Variants in NIPAL3 observed in about 807,000 individuals in gnomAD.
NIPAL3 encodes the protein NIPA like domain containing 3, also known as NIPA-like protein 3.
NIPAL3 carries 41 observed loss-of-function variants against 47.2 expected under a neutral mutation model. The observed-to-expected ratio is 0.87, with a 90% CI of 0.68 to 1.13. NIPAL3 has a LOEUF of 1.13. NIPAL3 is among the 50% of genes most tolerant of loss of function. The pLI, the probability that NIPAL3 is intolerant of heterozygous loss-of-function variation, is 0.00. For synonymous variants in NIPAL3, 194 were observed against 209.6 expected (o/e 0.93, Z 0.64); for missense variants, 449 against 530.1 (o/e 0.85, Z 1.50).
chr1:24,444,337 G>C (rs1645546976), intron 4 of NIPAL3, among the ~76,000 whole-genome samples: 1 of 152,086 alleles, frequency 6.6e-6, no homozygotes, highest in Non-Finnish European at 1.5e-5. Flanking sequence ...AGAAGAAAAA[G>C]AAGAGGAGAT....
At chr1:24,452,143 A>C (rs753861206) in intron 6 of NIPAL3, among the ~76,000 whole-genome samples, 1 of 152,212 alleles carries the variant, frequency 6.6e-6, no homozygotes, top group African/African-American at 2.4e-5. Flanking sequence ...CTTTAGTTGC[A>C]CTGGGCGCTA....
intron 2 of NIPAL3, among the ~76,000 whole-genome samples, chr1:24,424,534 C>A (rs915804532): frequency 1.3e-5 from 2 of 152,168 alleles, no homozygotes; most frequent in Non-Finnish European, 2.9e-5. Context: ...TGAGGGAAAG[C>A]CATCTCCTTT....
intron 5 of NIPAL3, among the ~76,000 whole-genome samples, chr1:24,446,901 C>T (rs1645696171): frequency 6.6e-6 from 1 of 152,112 alleles, no homozygotes; most frequent in Non-Finnish European, 1.5e-5. Flanking sequence ...TTTTTAAGCC[C>T]AGATCCAGGT....
chr1:24,431,918 C>T (rs1485038422), intron 2 of NIPAL3, among the ~76,000 whole-genome samples: 1 of 151,876 alleles, frequency 6.6e-6, no homozygotes, highest in Non-Finnish European at 1.5e-5. Context: ...CTTGACCACC[C>T]CACAACACAC....
In NIPAL3 at chr1:24,449,435, G is replaced by A. The variant is rs559283119; in HGVS notation, c.395-46G>A. 6.2e-7 allele frequency: 1 copy of A among 1,607,148 alleles called. No individual in the cohort carries two copies. The highest frequency in any genetic ancestry group is 2.2e-5 in the East Asian group (1 of 44,758). On this transcript the variant is annotated intron_variant, in intron 5 of 11. Transcript: ENST00000374399. The surrounding 1 kb of genome is among the most constrained non-coding windows in gnomAD (Gnocchi z 4.5). ...TGGCTGAGAACGTGTACTGTATCTT[G>A]GGCCTGTTGTTGCAATGAGTCCGTG... is the stretch of plus-strand genomic sequence containing the variant.
chr1:24,445,898 A>C (rs957157274), intron 5 of NIPAL3, among the ~76,000 whole-genome samples: 1 of 152,172 alleles, frequency 6.6e-6, no homozygotes, highest in African/African-American at 2.4e-5. Context: ...AATGTAGACC[A>C]ATAGGGCAAG....
chr1:24,437,950 G>A (rs962434909), intron 2 of NIPAL3, among the ~76,000 whole-genome samples: 19 of 152,182 alleles, frequency 1.2e-4, no homozygotes, highest in African/African-American at 4.6e-4. Context: ...GATGCTGATG[G>A]CTGGATTCCA....
intron 7 of NIPAL3, 129 bp from the exon 8 acceptor site, chr1:24,456,009 C>T (rs568546818): frequency 4.2e-5 from 47 of 1,109,762 alleles, no homozygotes; most frequent in East Asian, 7.1e-5. Context: ...TGCAAACTGC[C>T]GGCTTGACTC....
intron 11 of NIPAL3, chr1:24,465,479 A>T (rs188337150): frequency 1.3e-5 from 2 of 152,276 alleles, no homozygotes; most frequent in African/African-American, 2.4e-5. Context: ...AGGTAACCTA[A>T]GGTAGTCTTA....
rs1208715012 is a variant in NIPAL3 at position 24,419,256 on chromosome 1, C to G, written c.-257-35C>G. ...AAAGCTGGGCTCAGTGTTTCCTTGT[C>G]CATGCATTTTTAATGTTCCTCTCCA... On this transcript the variant is annotated intron_variant, in intron 1 of 11. Transcript: ENST00000374399. 1.9e-6 allele frequency: 2 copies of G among 1,052,698 alleles called. 1 individual carries two copies. The highest frequency in any genetic ancestry group is 8.2e-4 in the Middle Eastern group (2 of 2,440). The allele number at this position is 1,052,698 out of a possible 1,614,324, so 65.2% of individuals were successfully genotyped here. A position where few individuals can be genotyped will look rare whatever the true frequency, so the allele number is the denominator to read the frequency against.
intron 2 of NIPAL3, among the ~76,000 whole-genome samples, chr1:24,438,354 C>G (rs1010978077): frequency 6.6e-6 from 1 of 152,162 alleles, no homozygotes; most frequent in Non-Finnish European, 1.5e-5. Context: ...ACTGGGGTCC[C>G]CTGGCTCCAC....
At chr1:24,468,159 C>A (rs1646777564) in intron 11 of NIPAL3, among the ~76,000 whole-genome samples, 1 of 151,804 alleles carries the variant, frequency 6.6e-6, no homozygotes, top group Non-Finnish European at 1.5e-5. Context: ...AAAAAACCCA[C>A]AAAAAATTAG....
chr1:24,443,237 A>G (rs141139657), intron 4 of NIPAL3, among the ~76,000 whole-genome samples: 83 of 152,358 alleles, frequency 5.4e-4, no homozygotes, highest in African/African-American at 1.8e-3. Context: ...TAGAAAAAAA[A>G]AATTCTTCTT....
chr1:24,457,655 G>A, intron 8 of NIPAL3: 2 of 478,334 alleles, frequency 4.2e-6, no homozygotes, highest in Non-Finnish European at 8.5e-6. Context: ...CTAGAAAGTG[G>A]CGGAGCTGAG....
rs1376591707 is a variant in NIPAL3 at position 24,470,444 on chromosome 1, G to A, written c.*1259G>A. The A allele has an allele frequency of 6.6e-6, 1 of 152,224 alleles. No homozygotes were observed. Among genetic ancestry groups the A allele is most frequent in the African/African-American group, 2.4e-5 (1 of 41,448 alleles). The allele number at this position is 152,224 out of a possible 1,614,324, so 9.4% of individuals were successfully genotyped here. Reference sequence around the variant, plus strand: ...TCTGCATTCTTAACTGGTACCACCAGTGATTCTGATGCGATGCTTCAATCC... The same window carrying A: ...TCTGCATTCTTAACTGGTACCACCAATGATTCTGATGCGATGCTTCAATCC... On this transcript the variant is annotated 3_prime_UTR_variant, in exon 12 of 12. Coordinates refer to ENST00000374399, the MANE Select transcript of NIPAL3 (RefSeq NM_020448.5).
chr1:24,419,169 A>G (rs1644197104), intron 1 of NIPAL3, 122 bp from the exon 2 acceptor site: 1 of 351,766 alleles, frequency 2.8e-6, no homozygotes, highest in Non-Finnish European at 4.0e-6. Context: ...GAATTTTTTT[A>G]ATGGACTCAC....
chr1:24,421,351 CA>C (rs140749450), intron 2 of NIPAL3, among the ~76,000 whole-genome samples: 6 of 148,992 alleles, frequency 4.0e-5, no homozygotes, highest in African/African-American at 7.4e-5. Context: ...GACCCCACCT[CA>C]AAAAAAAAGA....
intron 2 of NIPAL3, among the ~76,000 whole-genome samples, chr1:24,437,214 T>A (rs1645162377): frequency 6.6e-6 from 1 of 152,130 alleles, no homozygotes. Context: ...ATTGCGCCAC[T>A]GCACTCCAGC....
intron 6 of NIPAL3, among the ~76,000 whole-genome samples, chr1:24,450,919 C>G (rs1183929700): frequency 1.3e-5 from 2 of 152,222 alleles, no homozygotes; most frequent in African/African-American, 4.8e-5. Context: ...CAACAGGCAG[C>G]CAGCCCCAGC....
Sources: gnomAD v4.1 joint callset for allele counts (sites outside exome capture counted in the v4.1 genomes callset) on GRCh38, gnomAD v4.1.1 for gene constraint, Gnocchi (gnomAD v3.1) non-coding constraint, MANE v1.5 for transcripts, NCBI Gene and HGNC (gene_info 2026-07-23, HGNC 2026-07-21) for gene names.